The following ZNF8 variants were observed in gnomAD, a reference collection of about 807,000 sequenced individuals.
The protein encoded by ZNF8 is zinc finger protein 272.
ZNF8 carries 9 observed loss-of-function variants against 12.2 expected under a neutral mutation model. The ratio of observed to expected loss-of-function variants is 0.73; its 90% confidence interval spans 0.44 to 1.28. The LOEUF is 1.28. Ranked by LOEUF, ZNF8 falls within the 50% of genes most tolerant of loss-of-function variation. ZNF8 has a pLI of 0.00. For synonymous variants in ZNF8, 274 were observed against 282.3 expected (o/e 0.97, Z 0.30); for missense variants, 664 against 729.1 (o/e 0.91, Z 1.03).
At chr19:58,279,980 G>T in intron 1 of ZNF8, 3 of 742,926 alleles carry the variant, frequency 4.0e-6, no homozygotes, top group East Asian at 6.7e-5. Context: ...CAGGTTTTCA[G>T]ATGTGTGTTG....
At position 58,280,319 on chromosome 19, in the gene ZNF8, C is replaced by T. The variant is rs533502585; in HGVS notation, c.66+1172C>T. The stretch of plus-strand genomic sequence containing the variant: ...GTTGATAGGAGACCTCAGTTGTTCT[C>T]CATGTAGGCCTCTCTTTGGAACTGC... On this transcript the variant is annotated intron_variant, in intron 1 of 3. Transcript: ENST00000621650. The T allele has an allele frequency of 4.2e-5, 7 of 167,830 alleles. No individual in the cohort carries two copies. The South Asian group carries it at 9.7e-4, about 23-fold the overall frequency. The allele number at this position is 167,830 out of a possible 1,614,324, so 10.4% of individuals were successfully genotyped here.
Position 58,279,035 on chromosome 19 carries a change from T to C in ZNF8, c.-47T>C. ...GGTCCCTTTGGCTGGAGTGCCTCTC[T>C]GGTCTGGGGATCACCTCAGGCGCTG... On this transcript the variant is annotated 5_prime_UTR_variant, in exon 1 of 4. Coordinates refer to ENST00000621650, the MANE Select transcript of ZNF8 (RefSeq NM_021089.3). 7.3e-7 allele frequency: 1 copy of C among 1,366,212 alleles called. No individual in the cohort carries two copies. The highest frequency in any genetic ancestry group is 1.5e-5 in the African/African-American group (1 of 66,856). 84.6% of individuals were successfully genotyped at this position (1,366,212 alleles called of 1,614,324 possible). A position where few individuals can be genotyped will look rare whatever the true frequency, so the allele number is the denominator to read the frequency against.
intron 3 of ZNF8, among the ~76,000 whole-genome samples, chr19:58,289,682 T>C (rs1374953028): frequency 2.6e-5 from 4 of 152,072 alleles, no homozygotes; most frequent in African/African-American, 9.7e-5. Context: ...TTCAGAGTGC[T>C]TCACTCTGAC....
chr19:58,286,504 A>G (rs1249473826), intron 3 of ZNF8: 1 of 284,814 alleles, frequency 3.5e-6, no homozygotes, highest in African/African-American at 2.2e-5. Flanking sequence ...CTCATGAGAC[A>G]TGAGCTCTAC....
In ZNF8 at chr19:58,294,960, T is replaced by C. The variant is rs770941811; in HGVS notation, c.1152T>C (p.Leu384=). 6.2e-7 allele frequency: 1 copy of C among 1,614,066 alleles called. No individual in the cohort carries two copies. Among genetic ancestry groups the C allele is most frequent in the South Asian group, 1.1e-5 (1 of 91,082 alleles). The change falls in exon 4 of 4, where the codon CTT becomes CTC. Residue 384 remains leucine (L), a synonymous_variant. Coordinates refer to ENST00000621650, the MANE Select transcript of ZNF8 (RefSeq NM_021089.3). The surrounding 1 kb of genome is among the most constrained non-coding windows in gnomAD (Gnocchi z 5.5). The part of the protein sequence containing the change: ...CGKSFSRTTC[L]FLHLRTHTEE... ...AATCCTTCTCTCGGACCACTTGCCT[T>C]TTCCTGCACCTGAGAACTCACACCG...
chr19:58,295,361 C>T lies in ZNF8; in HGVS notation c.1553C>T (p.Pro518Leu), dbSNP rs201720569. ...RNSHLVQHQH[P>L]NSRKSSAGGA... ...TCACACCTGGTTCAGCATCAACACC[C>T]GAACTCCAGAAAGAGCTCTGCAGGC... Residue 518 changes from proline to leucine, a missense_variant, in exon 4 of 4, where the codon CCG becomes CTG. Pro to Leu is a moderately conservative substitution (Grantham distance 98). This residue lies in a region of ZNF8 where 225 missense variants were observed against 222.0 expected (regional missense o/e 1.01). Transcript: ENST00000621650. The T allele has an allele frequency of 6.0e-5, 97 of 1,614,158 alleles. No individual in the cohort carries two copies. The East Asian group carries it at 6.7e-4, about 11-fold the overall frequency.
rs200662137 is a variant in ZNF8 at position 58,295,316 on chromosome 19, A to G, written c.1508A>G (p.Glu503Gly). 27 of 1,614,226 alleles carry G rather than the reference A, an allele frequency of 1.7e-5. No individual in the cohort carries two copies. In the East Asian group the frequency reaches 5.3e-4, roughly 32 times the overall value. ...CCCCATGGGCGAAGCCGGCGGCGTG[A>G]ACAATCCTCGAGCAGGAACTCACAC... is the stretch of plus-strand genomic sequence containing the variant. The part of the protein sequence containing the change: ...EQPHGRSRRR[E>G]QSSSRNSHLV... Residue 503 changes from glutamate (E) to glycine (G), a missense_variant, in exon 4 of 4, where the codon GAA becomes GGA. This residue lies in a region of ZNF8 where 225 missense variants were observed against 222.0 expected (regional missense o/e 1.01). Coordinates refer to ENST00000621650, the MANE Select transcript of ZNF8 (RefSeq NM_021089.3).
At chr19:58,284,860 T>C (rs2051373111) in intron 1 of ZNF8, among the ~76,000 whole-genome samples, 1 of 151,954 alleles carries the variant, frequency 6.6e-6, no homozygotes, top group African/African-American at 2.4e-5. Flanking sequence ...AAAAGAAAAA[T>C]AATTTTTCAC....
chr19:58,293,250 T>C (rs2051431086), intron 3 of ZNF8, among the ~76,000 whole-genome samples: 2 of 152,164 alleles, frequency 1.3e-5, no homozygotes, highest in South Asian at 4.2e-4. Context: ...GAGAGTCATA[T>C]TTGGGGGCCA....
Position 58,301,660 on chromosome 19 carries a change from T to A in ZNF8, c.*6124T>A, listed in dbSNP as rs184141797. The stretch of plus-strand genomic sequence containing the variant: ...ATGGCCAGTCCTGAAGGGGTCACAG[T>A]TGATACTTCTCTGAGGGGGCATGGG... On this transcript the variant is annotated 3_prime_UTR_variant, in exon 4 of 4. Coordinates refer to ENST00000621650, the MANE Select transcript of ZNF8 (RefSeq NM_021089.3). 2.0e-5 allele frequency: 3 copies of A among 152,416 alleles called. No homozygotes were observed. The highest frequency in any genetic ancestry group is 4.4e-5 in the Non-Finnish European group (3 of 68,242). The allele number at this position is 152,416 out of a possible 1,614,324, so 9.4% of individuals were successfully genotyped here. A position where few individuals can be genotyped will look rare whatever the true frequency, so the allele number is the denominator to read the frequency against.
At chr19:58,293,322 T>C (rs2051432133) in intron 3 of ZNF8, among the ~76,000 whole-genome samples, 1 of 152,200 alleles carries the variant, frequency 6.6e-6, no homozygotes, top group Admixed American at 6.5e-5. Flanking sequence ...ATCTCTCCCG[T>C]TGTCAAGCTC....
chr19:58,285,080 G>C (rs188387165), intron 1 of ZNF8, among the ~76,000 whole-genome samples: 1 of 151,956 alleles, frequency 6.6e-6, no homozygotes, highest in Admixed American at 6.6e-5. Flanking sequence ...AGCCTGCCTT[G>C]CCCTGAAAGC....
At position 58,294,861 on chromosome 19, in the gene ZNF8, C is replaced by A; in HGVS notation, c.1053C>A (p.Asn351Lys). 1 of 1,614,108 alleles carries A rather than the reference C, an allele frequency of 6.2e-7. No homozygotes were observed. Among genetic ancestry groups the A allele is most frequent in the Non-Finnish European group, 8.5e-7 (1 of 1,180,018 alleles). Residue 351 changes from asparagine (N) to lysine (K), a missense_variant, in exon 4 of 4, where the codon AAC (asparagine) becomes AAA (lysine). By Grantham distance (94) the Asn-to-Lys change is moderately conservative (BLOSUM62 0). Coordinates refer to ENST00000621650, the MANE Select transcript of ZNF8 (RefSeq NM_021089.3). This position sits in a 1 kb window ranked among gnomAD's most constrained non-coding sequence, Gnocchi z 5.5. Reference protein sequence around the residue: ...YECQDCGRAFNQNSSLGRHKR... With the variant: ...YECQDCGRAFKQNSSLGRHKR... ...GTCAGGACTGTGGGAGGGCCTTCAA[C>A]CAGAACTCCTCCCTGGGGCGGCACA...
In ZNF8 at chr19:58,278,967, T is replaced by G; in HGVS notation, c.-115T>G. ...CCTACTGGGAGTTGTAGTCGCCGCG[T>G]CGCCGGTGCGGCCGCCATTGTCCGG... On this transcript the variant is annotated 5_prime_UTR_variant, in exon 1 of 4. Transcript: ENST00000621650. 1 of 1,260,568 alleles carries G rather than the reference T, an allele frequency of 7.9e-7. No homozygotes were observed. The highest frequency in any genetic ancestry group is 1.0e-6 in the Non-Finnish European group (1 of 968,080). The allele number at this position is 1,260,568 out of a possible 1,614,324, so 78.1% of individuals were successfully genotyped here. A position where few individuals can be genotyped will look rare whatever the true frequency, so the allele number is the denominator to read the frequency against.
rs2147955881 is a variant in ZNF8, at chr19:58,286,177, G to C, written c.261G>C (p.Glu87Asp). 1 of 1,612,888 alleles carries C rather than the reference G, an allele frequency of 6.2e-7. No homozygotes were observed. The change falls in exon 3 of 4, where the codon GAG becomes GAC. Residue 87 changes from glutamate (E) to aspartate (D), a missense_variant. By Grantham distance (45) the Glu-to-Asp change is conservative. This residue lies in a region of ZNF8 where 306 missense variants were observed against 308.7 expected (regional missense o/e 0.99). Coordinates refer to ENST00000621650, the MANE Select transcript of ZNF8 (RefSeq NM_021089.3). ...LEQGTELWVA[E>D]RGTTQGCHPA... The stretch of plus-strand genomic sequence containing the variant: ...AAGGGACCGAGCTATGGGTGGCTGA[G>C]AGAGGAACCACCCAGGGCTGCCATC...
intron 1 of ZNF8, among the ~76,000 whole-genome samples, chr19:58,284,538 C>G (rs1481646799): frequency 6.6e-6 from 1 of 152,182 alleles, no homozygotes; most frequent in Non-Finnish European, 1.5e-5. Context: ...GTTGCATCAA[C>G]TTATAAAAAT....
chr19:58,279,563 A>C lies in ZNF8; in HGVS notation c.66+416A>C, dbSNP rs1022712450. On this transcript the variant is annotated intron_variant, in intron 1 of 3. Coordinates refer to ENST00000621650, the MANE Select transcript of ZNF8 (RefSeq NM_021089.3). ...AAGAATCATCGAATAGAGATGCTTT[A>C]ACGCGTGGAGTCAGCGGACACCCAC... 3.5e-5 allele frequency: 53 copies of C among 1,528,302 alleles called. No homozygotes were observed. In the Admixed American group the frequency reaches 4.0e-4, roughly 12 times the overall value. The allele number at this position is 1,528,302 out of a possible 1,614,324, so 94.7% of individuals were successfully genotyped here. A position where few individuals can be genotyped will look rare whatever the true frequency, so the allele number is the denominator to read the frequency against.
At chr19:58,279,332 C>T in intron 1 of ZNF8, 185 bp downstream of exon 1, 1 of 1,481,356 alleles carries the variant, frequency 6.8e-7, no homozygotes, top group South Asian at 1.3e-5. Flanking sequence ...GGCCGGGATT[C>T]CAACCAGGCG....
In ZNF8 at chr19:58,279,074, G is replaced by C; in HGVS notation, c.-8G>C. The C allele has an allele frequency of 6.7e-7, 1 of 1,484,896 alleles. No homozygotes were observed. The highest frequency in any genetic ancestry group is 9.0e-7 in the Non-Finnish European group (1 of 1,109,880). 92.0% of individuals were successfully genotyped at this position (1,484,896 alleles called of 1,614,324 possible). ...CCTCAGGCGCTGTCCTTCACTGGGC[G>C]ATCCAGCATGGACCCCGAGGACGAA... On this transcript the variant is annotated 5_prime_UTR_variant, in exon 1 of 4. Transcript: ENST00000621650.
Sources: gnomAD v4.1 joint callset for allele counts (sites outside exome capture counted in the v4.1 genomes callset) on GRCh38, gnomAD v4.1.1 for gene constraint, gnomAD v4.1.1 regional missense constraint, Gnocchi (gnomAD v3.1) non-coding constraint, MANE v1.5 for transcripts, NCBI Gene and HGNC (gene_info 2026-07-23, HGNC 2026-07-21) for gene names.